Variants in TCEA3 observed in about 807,000 individuals in gnomAD.
TCEA3 encodes the protein transcription elongation factor A3.
A neutral mutation model predicts 44.0 loss-of-function variants in TCEA3; 36 were observed. That is an observed-to-expected ratio of 0.82 (90% CI 0.63 to 1.08). The LOEUF (loss-of-function observed/expected upper bound fraction) is 1.08, where lower values mean the gene tolerates loss of function less well. Among genes scored for constraint, TCEA3 ranks in the 50% least tolerant of loss-of-function variants. TCEA3 has a pLI of 0.00. For synonymous variants in TCEA3, 162 were observed against 159.7 expected, an observed-to-expected ratio of 1.01 and a Z score of -0.11; for missense variants, 392 against 441.2, an observed-to-expected ratio of 0.89 and a Z score of 1.00.
At chr1:23,409,044 C>G (rs1032249683) in intron 4 of TCEA3, among the ~76,000 whole-genome samples, 2 of 152,122 alleles carry the variant, frequency 1.3e-5, no homozygotes, top group African/African-American at 4.8e-5. Flanking sequence ...TCCTGGCTGT[C>G]AGGCAGGCCT....
intron 5 of TCEA3, among the ~76,000 whole-genome samples, chr1:23,400,496 A>G (rs1421814801): frequency 6.6e-6 from 1 of 151,590 alleles, no homozygotes; most frequent in Admixed American, 6.6e-5. Flanking sequence ...GGCATGAGCC[A>G]CTGTGCCTGG....
intron 5 of TCEA3, among the ~76,000 whole-genome samples, chr1:23,405,550 C>T (rs565533347): frequency 3.3e-5 from 5 of 151,472 alleles, no homozygotes; most frequent in South Asian, 2.1e-4. Context: ...GAGCCGAGAT[C>T]GTGCCACTGC....
intron 5 of TCEA3, chr1:23,404,226 C>T (rs1639478920): frequency 2.9e-6 from 2 of 701,354 alleles, no homozygotes; most frequent in Admixed American, 4.0e-5. Flanking sequence ...ACTTTCTCCC[C>T]TGTCAACATG....
intron 1 of TCEA3, chr1:23,423,980 C>G (rs1431659875): frequency 2.5e-6 from 1 of 399,472 alleles, no homozygotes; most frequent in Non-Finnish European, 4.9e-6. Context: ...CGGGCCGCAC[C>G]CCAAGGCCAA....
intron 7 of TCEA3, among the ~76,000 whole-genome samples, chr1:23,396,545 A>G (rs1308900731): frequency 6.6e-6 from 1 of 152,160 alleles, no homozygotes; most frequent in Non-Finnish European, 1.5e-5. Context: ...CATGGAATCC[A>G]AAGACAAAGT....
At chr1:23,398,369 C>A (rs1353738942) in intron 5 of TCEA3, among the ~76,000 whole-genome samples, 1 of 152,228 alleles carries the variant, frequency 6.6e-6, no homozygotes, top group African/African-American at 2.4e-5. Flanking sequence ...TGCTCTCTAT[C>A]TATGCTCTCC....
At chr1:23,384,228 G>C in intron 10 of TCEA3, 118 bp downstream of exon 10, 1 of 1,585,322 alleles carries the variant, frequency 6.3e-7, no homozygotes, top group Admixed American at 1.7e-5. Flanking sequence ...GACCTACTCT[G>C]TGCAGGCTGG....
At chr1:23,397,454 C>T in intron 7 of TCEA3, 91 bp downstream of exon 7, 1 of 1,234,986 alleles carries the variant, frequency 8.1e-7, no homozygotes, top group Non-Finnish European at 1.2e-6. Flanking sequence ...AGCCCTTCCT[C>T]TCCTTCCTCA....
intron 1 of TCEA3, among the ~76,000 whole-genome samples, chr1:23,421,205 T>C (rs537385100): frequency 1.7e-4 from 26 of 152,334 alleles, no homozygotes; most frequent in African/African-American, 6.0e-4. Flanking sequence ...ATTATCTCAT[T>C]TAACATTCAC....
At chr1:23,386,466 A>G (rs1296749868) in intron 9 of TCEA3, among the ~76,000 whole-genome samples, 1 of 152,088 alleles carries the variant, frequency 6.6e-6, no homozygotes, top group Non-Finnish European at 1.5e-5. Flanking sequence ...TCAAACTCCT[A>G]GGCTCAAGCA....
chr1:23,392,734 C>G (rs568115936), intron 8 of TCEA3, among the ~76,000 whole-genome samples: 1 of 126,660 alleles, frequency 7.9e-6, no homozygotes, highest in Non-Finnish European at 1.7e-5. Flanking sequence ...ATACTATACA[C>G]CAAACACACC....
At chr1:23,418,228 G>C in intron 2 of TCEA3, 1 of 543,498 alleles carries the variant, frequency 1.8e-6, no homozygotes, top group South Asian at 2.6e-5. Context: ...TGACATGGAG[G>C]ATATCTGTAG....
At chr1:23,391,915 C>G (rs1228322094) in intron 8 of TCEA3, among the ~76,000 whole-genome samples, 2 of 151,970 alleles carry the variant, frequency 1.3e-5, no homozygotes, top group East Asian at 3.9e-4. Flanking sequence ...AGAGTGGACT[C>G]CATCTCAAAA....
intron 8 of TCEA3, among the ~76,000 whole-genome samples, chr1:23,389,562 A>C (rs1007597588): frequency 6.6e-6 from 1 of 151,834 alleles, no homozygotes; most frequent in Middle Eastern, 3.2e-3. Context: ...AGGCAGGAGA[A>C]TCGCTTGAAC....
chr1:23,383,279 C>CAAA (rs10604385), intron 10 of TCEA3, among the ~76,000 whole-genome samples: 5 of 118,484 alleles, frequency 4.2e-5, no homozygotes, highest in East Asian at 2.4e-4. Context: ...GACTCCATCT[C>CAAA]AAAAAAAAAA....
chr1:23,397,118 G>A (rs560348907), intron 7 of TCEA3, among the ~76,000 whole-genome samples: 10 of 151,814 alleles, frequency 6.6e-5, no homozygotes, highest in South Asian at 2.1e-4. Flanking sequence ...TGGAAGTAAC[G>A]ACTTGGCCAA....
chr1:23,417,236 C>CA lies in TCEA3; in HGVS notation c.380+12dup. 6 of 1,611,860 alleles carry CA rather than the reference C, an allele frequency of 3.7e-6. No individual in the cohort carries two copies. Among genetic ancestry groups the CA allele is most frequent in the Non-Finnish European group, 5.1e-6 (6 of 1,179,332 alleles). On this transcript the variant is annotated intron_variant, in intron 4 of 10. Transcript: ENST00000450454. ...AGTGTCAGCTCCCTTCTCTCCATCC[C>CA]AAAAAAGAATACCTGGTTTTGGGGT...
At chr1:23,412,877 T>G (rs1052747833) in intron 4 of TCEA3, among the ~76,000 whole-genome samples, 1 of 152,228 alleles carries the variant, frequency 6.6e-6, no homozygotes, top group Non-Finnish European at 1.5e-5. Flanking sequence ...TTACAGTGTT[T>G]GTATAATGAA....
At chr1:23,392,633 AT>A (rs1639091605) in intron 8 of TCEA3, among the ~76,000 whole-genome samples, 1 of 147,066 alleles carries the variant, frequency 6.8e-6, no homozygotes, top group East Asian at 2.1e-4. Flanking sequence ...CACTCCACAC[AT>A]CATACACACA....
Sources: gnomAD v4.1 joint callset for allele counts (sites outside exome capture counted in the v4.1 genomes callset) on GRCh38, gnomAD v4.1.1 for gene constraint, MANE v1.5 for transcripts, NCBI Gene and HGNC (gene_info 2026-07-23, HGNC 2026-07-21) for gene names.